Variants in ABLIM1 observed in about 807,000 individuals in gnomAD.
The protein encoded by ABLIM1 is actin-binding LIM protein 1.
A neutral mutation model predicts 107.0 loss-of-function variants in ABLIM1; 40 were observed. The ratio of observed to expected loss-of-function variants is 0.37; its 90% confidence interval spans 0.29 to 0.49. ABLIM1 has a LOEUF of 0.49. Ranked by LOEUF, ABLIM1 falls within the 20% of genes least tolerant of loss-of-function variation. The pLI is 0.97. For synonymous variants in ABLIM1, 357 were observed against 357.3 expected, an observed-to-expected ratio of 1.00 and a Z score of 0.01; for missense variants, 857 against 1,008.5, an observed-to-expected ratio of 0.85 and a Z score of 2.04.
chr10:114,487,843 T>C (rs1323272453), intron 8 of ABLIM1, 115 bp downstream of exon 8: 1 of 1,315,050 alleles, frequency 7.6e-7, no homozygotes, highest in Non-Finnish European at 1.1e-6. Context: ...TAGTTTGCTA[T>C]AAGGGAAAAA....
At chr10:114,750,208 A>G (rs1566301950) in intron 1 of ABLIM1, among the ~76,000 whole-genome samples, 1 of 152,202 alleles carries the variant, frequency 6.6e-6, no homozygotes, top group African/African-American at 2.4e-5. Context: ...TGTTCCTACT[A>G]TTCAGATGGT....
the ABLIM1 span, among the ~76,000 whole-genome samples, chr10:114,792,575 C>G: frequency 6.6e-6 from 1 of 152,162 alleles, no homozygotes. Flanking sequence ...CTTTGTGGTT[C>G]CCCTACCTCC....
intron 1 of ABLIM1, among the ~76,000 whole-genome samples, chr10:114,634,755 G>C (rs1284187150): frequency 2.0e-5 from 3 of 152,056 alleles, no homozygotes; most frequent in Non-Finnish European, 4.4e-5. Flanking sequence ...GCATCTAGTT[G>C]CTAAGTAATA....
intron 6 of ABLIM1, among the ~76,000 whole-genome samples, chr10:114,510,955 G>T (rs559898201): frequency 6.6e-6 from 1 of 151,782 alleles, no homozygotes; most frequent in Non-Finnish European, 1.5e-5. Context: ...CCTGCCACAG[G>T]GTCTTTTCAG....
upstream of ABLIM1, among the ~76,000 whole-genome samples, chr10:114,768,351 G>A (rs948238073): frequency 1.3e-5 from 2 of 149,346 alleles, no homozygotes; most frequent in African/African-American, 4.9e-5. Context: ...GCCCACCCGG[G>A]TCCAGCAGCC....
intron 1 of ABLIM1, among the ~76,000 whole-genome samples, chr10:114,636,989 C>T (rs1199003230): frequency 1.4e-5 from 2 of 146,374 alleles, no homozygotes; most frequent in Non-Finnish European, 3.0e-5. Context: ...GCCGAAATTT[C>T]ACCACTGCAC....
chr10:114,708,178 G>A (rs77749937), intron 1 of ABLIM1, among the ~76,000 whole-genome samples: 5,123 of 152,178 alleles, frequency 0.034, 98 homozygotes, highest in Middle Eastern at 0.11. Context: ...AATGCATGCC[G>A]AGCTACCTCC....
At chr10:114,703,370 T>C (rs568824804) in intron 1 of ABLIM1, among the ~76,000 whole-genome samples, 1 of 152,236 alleles carries the variant, frequency 6.6e-6, no homozygotes, top group African/African-American at 2.4e-5. Flanking sequence ...TAACCTTGAC[T>C]ATGGCATGTT....
chr10:114,571,391 G>T lies in ABLIM1; in HGVS notation c.579C>A (p.Pro193=). ...TCCCATTGAATGTGACTCGGTCTCC[G>T]GGTGGAAACGGGCGCCTGGAGGCAG... ...ACTICKRPFP[P]GDRVTFNGRD... Residue 193 remains proline, a synonymous_variant, in exon 4 of 23, where the codon CCC becomes CCA. Coordinates refer to ENST00000533213, the MANE Select transcript of ABLIM1 (RefSeq NM_002313.7). The T allele has an allele frequency of 1.9e-6, 3 of 1,614,158 alleles. No homozygotes were observed. The highest frequency in any genetic ancestry group is 2.5e-6 in the Non-Finnish European group (3 of 1,180,010).
intron 1 of ABLIM1, among the ~76,000 whole-genome samples, chr10:114,631,553 G>T (rs560925015): frequency 3.9e-5 from 6 of 152,098 alleles, no homozygotes; most frequent in Non-Finnish European, 7.4e-5. Context: ...TTATTGATTG[G>T]TGGGGCGTGG....
At chr10:114,515,928 G>T (rs1315714204) in intron 6 of ABLIM1, among the ~76,000 whole-genome samples, 1 of 152,190 alleles carries the variant, frequency 6.6e-6, no homozygotes, top group Admixed American at 6.5e-5. Context: ...CCCACACCTT[G>T]ATTTCACCAG....
intron 1 of ABLIM1, among the ~76,000 whole-genome samples, chr10:114,646,125 T>C (rs1421925249): frequency 6.6e-6 from 1 of 152,174 alleles, no homozygotes; most frequent in Non-Finnish European, 1.5e-5. Context: ...TTGTTGGGAT[T>C]TGGAGGAGAT....
the ABLIM1 span, among the ~76,000 whole-genome samples, chr10:114,796,408 G>T: frequency 5.9e-5 from 9 of 152,118 alleles, no homozygotes; most frequent in African/African-American, 2.2e-4. Flanking sequence ...TTGCCATGTG[G>T]GTCTCTCCAG....
At chr10:114,436,519 C>A in intron 22 of ABLIM1, 146 bp from the exon 23 acceptor site, 1 of 617,102 alleles carries the variant, frequency 1.6e-6, no homozygotes, top group Non-Finnish European at 2.8e-6. Context: ...ATGCTTGTGA[C>A]ATCAGTATCC....
chr10:114,445,614 C>T (rs1391916637), intron 15 of ABLIM1, among the ~76,000 whole-genome samples: 1 of 152,176 alleles, frequency 6.6e-6, no homozygotes, highest in East Asian at 1.9e-4. Context: ...GTGTGACAAG[C>T]CAGGTCAACG....
At chr10:114,752,865 T>C (rs808302) in intron 1 of ABLIM1, among the ~76,000 whole-genome samples, 29,091 of 152,198 alleles carry the variant, frequency 0.19, 3,302 homozygotes, top group East Asian at 0.45. Flanking sequence ...GTTGATTCCA[T>C]GTCTTTGCTA....
At position 114,718,011 on chromosome 10, in the gene ABLIM1, G is replaced by A. The variant is rs187620416; in HGVS notation, c.-213+50050C>T. On this transcript the variant is annotated intron_variant, in intron 1 of 15. Coordinates refer to the ABLIM1 transcript ENST00000651092. ...GAAAGAAAGGAAGGAAGGAAGGAAG[G>A]AAGGAAGGAAGGAAGGAAGGAGAAA... Among the ~76,000 whole-genome samples the A allele has an allele frequency of 8.1e-3, 1,083 of 134,326 alleles. 11 individuals are homozygous for A. The highest frequency in any genetic ancestry group is 0.014 in the Non-Finnish European group (879 of 62,952). The allele number at this position is 134,326 out of a possible 152,430, so 88.1% of individuals were successfully genotyped here. A position where few individuals can be genotyped will look rare whatever the true frequency, so the allele number is the denominator to read the frequency against.
intron 4 of ABLIM1, among the ~76,000 whole-genome samples, chr10:114,564,162 C>G (rs2138443309): frequency 6.6e-6 from 1 of 151,882 alleles, no homozygotes; most frequent in South Asian, 2.1e-4. Context: ...CCAAACTCCT[C>G]CAGGCATCCC....
At chr10:114,654,752 A>G (rs571157733) in intron 1 of ABLIM1, among the ~76,000 whole-genome samples, 49 of 152,282 alleles carry the variant, frequency 3.2e-4, no homozygotes, top group African/African-American at 1.1e-3. Flanking sequence ...TGCTGTCTGG[A>G]TGGGGAATCT....
Sources: gnomAD v4.1 joint callset for allele counts (sites outside exome capture counted in the v4.1 genomes callset) on GRCh38, gnomAD v4.1.1 for gene constraint, MANE v1.5 for transcripts, NCBI Gene and HGNC (gene_info 2026-07-23, HGNC 2026-07-21) for gene names.